PTPRK: variants seen among roughly 807,000 people sequenced by gnomAD.
PTPRK encodes the protein receptor-type tyrosine-protein phosphatase kappa.
Under a neutral mutation model 178.0 loss-of-function variants are expected in PTPRK, and 75 were observed. The observed-to-expected ratio is 0.42, with a 90% CI of 0.35 to 0.51. The LOEUF (loss-of-function observed/expected upper bound fraction) is 0.51, where lower values mean the gene tolerates loss of function less well. Among genes scored for constraint, PTPRK ranks in the 20% least tolerant of loss-of-function variants. The probability of loss-of-function intolerance (pLI) is 0.02; values close to 1 mark genes in which losing one functional copy is unlikely to be tolerated. For synonymous variants in PTPRK, 637 were observed against 620.6 expected, an observed-to-expected ratio of 1.03 and a Z score of -0.39; for missense variants, 1,441 against 1,797.8, an observed-to-expected ratio of 0.80 and a Z score of 3.59.
chr6:127,992,395 T>C (rs537390988), intron 19 of PTPRK, among the ~76,000 whole-genome samples: 4 of 151,894 alleles, frequency 2.6e-5, no homozygotes, highest in Admixed American at 2.6e-4. Context: ...ACTGGCACTA[T>C]TGACTAGTGC....
intron 1 of PTPRK, among the ~76,000 whole-genome samples, chr6:128,459,722 A>T (rs1054122670): frequency 6.6e-6 from 1 of 152,242 alleles, no homozygotes; most frequent in Non-Finnish European, 1.5e-5. Flanking sequence ...TACACTGGAG[A>T]TAACAGTTGT....
Position 128,513,539 on chromosome 6 carries a change from A to C in PTPRK, c.100+6720T>G, listed in dbSNP as rs571273451. Among the ~76,000 whole-genome samples the C allele has an allele frequency of 3.1e-3, 469 of 152,140 alleles. 6 individuals carry two copies. The highest frequency in any genetic ancestry group is 2.5e-3 in the Non-Finnish European group (169 of 68,002). ...AAATAAAGAAAAAGAAAAAGAAAGG[A>C]AAAAGAAATATAAATCCAAGGAAAT... is the stretch of plus-strand genomic sequence containing the variant. On this transcript the variant is annotated intron_variant, in intron 1 of 29. Transcript: ENST00000368226.
chr6:128,227,796 T>C (rs1811607530), intron 5 of PTPRK, among the ~76,000 whole-genome samples: 1 of 151,922 alleles, frequency 6.6e-6, no homozygotes. Flanking sequence ...GATGAAACAA[T>C]ATAAACTTAA....
At chr6:128,059,598 C>T (rs556046629) in intron 13 of PTPRK, among the ~76,000 whole-genome samples, 2 of 152,208 alleles carry the variant, frequency 1.3e-5, no homozygotes, top group East Asian at 1.9e-4. Context: ...GAAACTCTAT[C>T]CTTTCCACAG....
At chr6:128,008,067 T>G in intron 14 of PTPRK, 1 of 1,349,998 alleles carries the variant, frequency 7.4e-7, no homozygotes, top group Non-Finnish European at 9.9e-7. Flanking sequence ...AATGCAGATG[T>G]GTCTTCTCCA....
At chr6:128,227,389 TGCCACA>T in intron 5 of PTPRK, among the ~76,000 whole-genome samples, 1 of 152,110 alleles carries the variant, frequency 6.6e-6, no homozygotes, top group Non-Finnish European at 1.5e-5. Flanking sequence ...TTTCTGAACC[TGCCACA>T]TAAAAACAGA....
intron 1 of PTPRK, among the ~76,000 whole-genome samples, chr6:128,476,259 A>G (rs1402330321): frequency 6.6e-6 from 1 of 151,830 alleles, no homozygotes; most frequent in Non-Finnish European, 1.5e-5. Flanking sequence ...ACACACATAC[A>G]CACACACACA....
chr6:128,048,342 G>T (rs527514432), intron 13 of PTPRK, among the ~76,000 whole-genome samples: 2 of 152,024 alleles, frequency 1.3e-5, no homozygotes, highest in Non-Finnish European at 2.9e-5. Flanking sequence ...GAGAAGAGCT[G>T]ATTTAGAACA....
intron 2 of PTPRK, among the ~76,000 whole-genome samples, chr6:128,391,695 T>C (rs1014673866): frequency 1.3e-5 from 2 of 152,084 alleles, no homozygotes; most frequent in Admixed American, 1.3e-4. Flanking sequence ...TGATCACTGT[T>C]CCCAGAGAGA....
intron 29 of PTPRK, among the ~76,000 whole-genome samples, chr6:127,971,051 CA>C (rs1253188946): frequency 6.6e-6 from 1 of 152,038 alleles, no homozygotes; most frequent in Non-Finnish European, 1.5e-5. Context: ...AGTATTTAAG[CA>C]AATTTTTCAA....
intron 6 of PTPRK, among the ~76,000 whole-genome samples, chr6:128,186,821 G>C (rs1456148755): frequency 6.6e-6 from 1 of 152,024 alleles, no homozygotes; most frequent in Non-Finnish European, 1.5e-5. Context: ...AAACTGAATC[G>C]AGAAGTGAAC....
intron 2 of PTPRK, among the ~76,000 whole-genome samples, chr6:128,375,067 T>C (rs1327100152): frequency 2.8e-5 from 4 of 142,090 alleles, no homozygotes; most frequent in Admixed American, 7.0e-5. Context: ...GCATTATTAT[T>C]ATTATTATTA....
At chr6:128,076,683 T>G (rs566927604) in intron 11 of PTPRK, among the ~76,000 whole-genome samples, 6 of 152,184 alleles carry the variant, frequency 3.9e-5, no homozygotes, top group African/African-American at 1.2e-4. Context: ...AGGTCAAAAA[T>G]CTTGCCAACA....
intron 7 of PTPRK, among the ~76,000 whole-genome samples, chr6:128,182,034 CA>C (rs1479521690): frequency 6.6e-6 from 1 of 151,934 alleles, no homozygotes; most frequent in African/African-American, 2.4e-5. Context: ...CTTCCCTCCC[CA>C]AAAATCTTGC....
chr6:128,227,909 G>C lies in PTPRK; in HGVS notation c.694-8813C>G, dbSNP rs139428169. 5.9e-3 allele frequency among the ~76,000 whole-genome samples: 895 copies of C among 151,908 alleles called. 3 individuals are homozygous for C. Among genetic ancestry groups the C allele is most frequent in the Middle Eastern group, 0.02 (6 of 294 alleles). On this transcript the variant is annotated intron_variant, in intron 5 of 29. Transcript: ENST00000368226. ...TATGAGTTCTCACTCATAAGTGGGA[G>C]ACAAACAATGAGAACACATGGACAT...
intron 7 of PTPRK, among the ~76,000 whole-genome samples, chr6:128,099,713 G>A (rs1788475762): frequency 6.6e-6 from 1 of 151,996 alleles, no homozygotes; most frequent in African/African-American, 2.4e-5. Flanking sequence ...GCTTGCTTCA[G>A]GGAATAGAGA....
chr6:128,093,424 T>C (rs1485000126), intron 7 of PTPRK, among the ~76,000 whole-genome samples: 2 of 150,810 alleles, frequency 1.3e-5, no homozygotes, highest in African/African-American at 4.9e-5. Flanking sequence ...TGAAACCCCA[T>C]CTCTACTAAA....
At chr6:128,167,767 T>G (rs1799632053) in intron 7 of PTPRK, among the ~76,000 whole-genome samples, 1 of 152,058 alleles carries the variant, frequency 6.6e-6, no homozygotes, top group Non-Finnish European at 1.5e-5. Context: ...CATGTTGTAT[T>G]TATTAGTAAC....
chr6:128,036,828 T>A (rs1776310106), intron 13 of PTPRK, among the ~76,000 whole-genome samples: 1 of 151,464 alleles, frequency 6.6e-6, no homozygotes, highest in African/African-American at 2.4e-5. Flanking sequence ...GCCTCCCGGG[T>A]TGAATTGATT....
Sources: allele counts gnomAD v4.1 joint callset (sites outside exome capture counted in the v4.1 genomes callset), GRCh38; gene constraint gnomAD v4.1.1; transcripts MANE v1.5; gene names NCBI Gene and HGNC (gene_info 2026-07-23, HGNC 2026-07-21).